The following FSTL5 variants were observed in gnomAD, a reference collection of about 807,000 sequenced individuals.
FSTL5 encodes follistatin-related protein 5.
Under a neutral mutation model 89.1 loss-of-function variants are expected in FSTL5, and 62 were observed. The ratio of observed to expected loss-of-function variants is 0.70; its 90% confidence interval spans 0.57 to 0.86. The LOEUF is 0.86. Among genes scored for constraint, FSTL5 ranks in the 40% least tolerant of loss-of-function variants. The pLI is 0.00. For synonymous variants in FSTL5, 383 were observed against 346.2 expected, an observed-to-expected ratio of 1.11 and a Z score of -1.18; for missense variants, 1,057 against 1,001.6, an observed-to-expected ratio of 1.06 and a Z score of -0.75.
chr4:162,148,650 T>C (rs1329515294), intron 1 of FSTL5, among the ~76,000 whole-genome samples: 1 of 152,190 alleles, frequency 6.6e-6, no homozygotes, highest in Non-Finnish European at 1.5e-5. Context: ...TTATCATCTT[T>C]GTAGTTCATA....
In FSTL5 at chr4:161,973,137, T is replaced by G. The variant is rs549812475; in HGVS notation, c.161-52485A>C. 3.7e-4 allele frequency among the ~76,000 whole-genome samples: 57 copies of G among 152,340 alleles called. 1 individual carries two copies. Among genetic ancestry groups the G allele is most frequent in the Admixed American group, 1.2e-3 (18 of 15,308 alleles). ...CCTTATTACTTATGAAATCACTATT[T>G]GATGATGAAGTCAGTATTTGGTGAA... On this transcript the variant is annotated intron_variant, in intron 3 of 15. Coordinates refer to ENST00000306100, the MANE Select transcript of FSTL5 (RefSeq NM_020116.5).
chr4:161,386,297 C>G lies in FSTL5; in HGVS notation c.1994G>C (p.Cys665Ser), dbSNP rs1458222431. 1.2e-6 allele frequency: 2 copies of G among 1,613,828 alleles called. No homozygotes were observed. The highest frequency in any genetic ancestry group is 1.7e-6 in the Non-Finnish European group (2 of 1,179,946). ...THLGGYYFIG[C>S]KPDSTGAVSP... The stretch of plus-strand genomic sequence containing the variant: ...AACTGCTCCGGTGCTGTCAGGTTTG[C>G]AGCCAATGAAGTAGTAGCCTCCCAA... The change falls in exon 16 of 16, where the codon TGC (cysteine) becomes TCC (serine). Residue 665 changes from cysteine to serine, a missense_variant. By Grantham distance (112) the Cys-to-Ser change is moderately radical. Coordinates refer to ENST00000306100, the MANE Select transcript of FSTL5 (RefSeq NM_020116.5).
At chr4:161,620,178 G>T (rs1159637244) in intron 7 of FSTL5, among the ~76,000 whole-genome samples, 1 of 131,796 alleles carries the variant, frequency 7.6e-6, no homozygotes, top group Non-Finnish European at 1.6e-5. Context: ...ATCACACTCT[G>T]GGGACTGTTG....
At chr4:162,093,690 C>T (rs1001800339) in intron 2 of FSTL5, among the ~76,000 whole-genome samples, 1 of 152,100 alleles carries the variant, frequency 6.6e-6, no homozygotes, top group Non-Finnish European at 1.5e-5. Flanking sequence ...TATGTTTCCT[C>T]ACATATCTAA....
chr4:161,705,379 A>G (rs567726449), intron 6 of FSTL5, among the ~76,000 whole-genome samples: 3 of 152,178 alleles, frequency 2.0e-5, no homozygotes, highest in Admixed American at 6.6e-5. Context: ...AGTCAGCAAA[A>G]GCTAACAGTA....
chr4:161,627,306 G>C (rs998448019), intron 7 of FSTL5, among the ~76,000 whole-genome samples: 1 of 152,170 alleles, frequency 6.6e-6, no homozygotes, highest in Non-Finnish European at 1.5e-5. Flanking sequence ...CTAGCAAAAA[G>C]AGTATGACTT....
At chr4:161,516,868 T>G (rs1730860944) in intron 10 of FSTL5, among the ~76,000 whole-genome samples, 1 of 151,646 alleles carries the variant, frequency 6.6e-6, no homozygotes, top group Admixed American at 6.6e-5. Flanking sequence ...ATCTCTTTAT[T>G]TTAAGGGATA....
At chr4:162,127,025 C>T (rs766198419) in intron 1 of FSTL5, among the ~76,000 whole-genome samples, 1 of 152,158 alleles carries the variant, frequency 6.6e-6, no homozygotes, top group Non-Finnish European at 1.5e-5. Flanking sequence ...CCTCTCTCAA[C>T]ACACAGCTTT....
chr4:161,519,341 C>A (rs1167170964), intron 10 of FSTL5, among the ~76,000 whole-genome samples: 1 of 151,818 alleles, frequency 6.6e-6, no homozygotes, highest in Admixed American at 6.6e-5. Flanking sequence ...CCTGGCTAAC[C>A]TGGTGAAACC....
intron 6 of FSTL5, among the ~76,000 whole-genome samples, chr4:161,714,542 G>C (rs1579042573): frequency 1.3e-5 from 2 of 152,224 alleles, no homozygotes; most frequent in South Asian, 4.1e-4. Flanking sequence ...ATCTTGTAAT[G>C]AATGTTCACT....
intron 15 of FSTL5, among the ~76,000 whole-genome samples, chr4:161,423,738 A>T (rs770188849): frequency 3.9e-5 from 6 of 152,190 alleles, no homozygotes; most frequent in Non-Finnish European, 7.3e-5. Flanking sequence ...TTCCAGGGTG[A>T]TGCATTAGTC....
Position 161,819,085 on chromosome 4 carries a change from C to T in FSTL5, c.410-43011G>A, listed in dbSNP as rs165518. Among the ~76,000 whole-genome samples the T allele has an allele frequency of 7.9e-3, 1,198 of 152,034 alleles. 17 individuals carry two copies. Among genetic ancestry groups the T allele is most frequent in the African/African-American group, 0.027 (1,127 of 41,484 alleles). ...AATTAAACATTCTAAATATTGATGC[C>T]TATGGCATATATACATTAATTTGCT... On this transcript the variant is annotated intron_variant, in intron 4 of 15. Coordinates refer to ENST00000306100, the MANE Select transcript of FSTL5 (RefSeq NM_020116.5).
intron 15 of FSTL5, among the ~76,000 whole-genome samples, chr4:161,431,500 T>C (rs185260343): frequency 7.5e-5 from 11 of 146,864 alleles, no homozygotes; most frequent in Admixed American, 6.1e-4. Flanking sequence ...GAAAACATAC[T>C]ACCAGAAAAA....
intron 4 of FSTL5, among the ~76,000 whole-genome samples, chr4:161,804,265 ACTTTAC>A (rs2126832358): frequency 6.6e-6 from 1 of 151,986 alleles, no homozygotes; most frequent in East Asian, 1.9e-4. Context: ...CCTACCCATA[ACTTTAC>A]CTTCAATGCC....
intron 6 of FSTL5, among the ~76,000 whole-genome samples, chr4:161,675,221 G>GTGTGA (rs1203113633): frequency 0.022 from 3,300 of 152,020 alleles, 110 homozygotes; most frequent in African/African-American, 0.074. Context: ...AAAACTATGT[G>GTGTGA]ACAACATATT....
chr4:161,528,471 A>G lies in FSTL5; in HGVS notation c.1312+9695T>C, dbSNP rs988606603. Among the ~76,000 whole-genome samples, 8 of 143,130 alleles carry G rather than the reference A, an allele frequency of 5.6e-5. 1 individual carries two copies. The highest frequency in any genetic ancestry group is 2.3e-4 in the Admixed American group (3 of 13,324). 93.9% of individuals were successfully genotyped at this position (143,130 alleles called of 152,430 possible). ...TCAGACACAGTCAGCCTTTATCAGA[A>G]TTCTGGTATTTGGGTAAATAGAGGA... is the stretch of plus-strand genomic sequence containing the variant. On this transcript the variant is annotated intron_variant, in intron 10 of 15. Coordinates refer to ENST00000306100, the MANE Select transcript of FSTL5 (RefSeq NM_020116.5).
chr4:161,442,242 G>T (rs879660188), intron 15 of FSTL5, among the ~76,000 whole-genome samples: 1 of 149,050 alleles, frequency 6.7e-6, no homozygotes, highest in Non-Finnish European at 1.5e-5. Context: ...ACTCTTTAAA[G>T]ATTTCATTGT....
chr4:161,930,927 G>A (rs911878552), intron 3 of FSTL5, among the ~76,000 whole-genome samples: 7 of 151,760 alleles, frequency 4.6e-5, no homozygotes, highest in African/African-American at 1.7e-4. Flanking sequence ...TTAGACAAAG[G>A]CGAAGGGGGA....
chr4:162,082,826 T>C (rs1579012748), intron 2 of FSTL5, among the ~76,000 whole-genome samples: 1 of 151,464 alleles, frequency 6.6e-6, no homozygotes, highest in East Asian at 1.9e-4. Context: ...TTCTCTTTTT[T>C]TTTTTGGAGA....
Sources: gnomAD v4.1 joint callset for allele counts (sites outside exome capture counted in the v4.1 genomes callset) on GRCh38, gnomAD v4.1.1 for gene constraint, MANE v1.5 for transcripts, NCBI Gene and HGNC (gene_info 2026-07-23, HGNC 2026-07-21) for gene names.